TSPAN6: variants seen among roughly 807,000 people sequenced by gnomAD.
The protein encoded by TSPAN6 is tetraspanin 6.
A neutral mutation model predicts 18.0 loss-of-function variants in TSPAN6; 13 were observed. The ratio of observed to expected loss-of-function variants is 0.72; its 90% CI spans 0.47 to 1.15. TSPAN6 has a LOEUF of 1.15. Ranked by LOEUF, TSPAN6 falls within the 50% of genes most tolerant of loss-of-function variation. TSPAN6 has a pLI of 0.00. For synonymous variants in TSPAN6, 82 were observed against 67.0 expected (o/e 1.22, Z -1.09); for missense variants, 186 against 183.9 (o/e 1.01, Z -0.07).
chrX:100,630,152 C>G (rs1602702946), intron 7 of TSPAN6, among the ~76,000 whole-genome samples, 166 bp from the exon 8 acceptor site: 1 of 111,908 alleles, frequency 8.9e-6, no homozygotes, highest in East Asian at 2.8e-4. Context: ...ATTCAGCCAA[C>G]AACAGTTCTC....
Position 100,629,852 on chromosome X carries a change from A to G in TSPAN6, c.*174T>C, listed in dbSNP as rs889053970. On this transcript the variant is annotated 3_prime_UTR_variant, in exon 8 of 8. Transcript: ENST00000373020. ...GCACGGATCTTGATTGAATCAGCCT[A>G]TTGGTGTAGTTTTAGGTCTACATAC... is the stretch of plus-strand genomic sequence containing the variant. 12 of 258,990 alleles carry G rather than the reference A, an allele frequency of 4.6e-5. No individual in the cohort carries two copies. The highest frequency in any genetic ancestry group is 5.9e-5 in the Non-Finnish European group (11 of 187,677). 21.3% of individuals were successfully genotyped at this position (258,990 alleles called of 1,213,427 possible).
rs763160415 is a variant in TSPAN6 at position 100,636,725 on chromosome X, G to A, written c.-31C>T. 1 of 1,175,828 alleles carries A rather than the reference G, an allele frequency of 8.5e-7. No individual in the cohort carries two copies. The highest frequency in any genetic ancestry group is 1.1e-6 in the Non-Finnish European group (1 of 878,816). On this transcript the variant is annotated 5_prime_UTR_variant, in exon 1 of 8. Coordinates refer to ENST00000373020, the MANE Select transcript of TSPAN6 (RefSeq NM_003270.4). ...GCCCGAGACCCTGCACCACCGCACC[G>A]GGCGATTGGAACACAGAGAGCGAGA... is the stretch of plus-strand genomic sequence containing the variant.
chrX:100,632,546 G>A lies in TSPAN6; in HGVS notation c.608C>T (p.Thr203Ile). 1 of 1,205,386 alleles carries A rather than the reference G, an allele frequency of 8.3e-7. No homozygotes were observed. The highest frequency in any genetic ancestry group is 1.8e-5 in the South Asian group (1 of 56,190). ...NNEGCFIKVM[T>I]IIESEMGVVA... The stretch of plus-strand genomic sequence containing the variant: ...GACTCCCATTTCTGACTCTATAATG[G>A]TCATCACCTTTATAAAACAACCCTA... Residue 203 changes from threonine (T) to isoleucine (I), a missense_variant, in exon 6 of 8, where the codon ACC (threonine) becomes ATC (isoleucine). Transcript: ENST00000373020.
At position 100,627,730 on chromosome X, in the gene TSPAN6, C is replaced by T. The variant is rs1473196175; in HGVS notation, c.*2296G>A. On this transcript the variant is annotated 3_prime_UTR_variant, in exon 8 of 8. Coordinates refer to ENST00000373020, the MANE Select transcript of TSPAN6 (RefSeq NM_003270.4). ...AAAATAAACAAACCAATCCACCTGACGAGTGATGTGTGGTGTTTTTCCTCT... is the reference window on the plus strand; with the variant it reads ...AAAATAAACAAACCAATCCACCTGATGAGTGATGTGTGGTGTTTTTCCTCT... 4 of 111,646 alleles carry T rather than the reference C, an allele frequency of 3.6e-5. No homozygotes were observed. The highest frequency in any genetic ancestry group is 2.8e-4 in the East Asian group (1 of 3,594). 9.2% of individuals were successfully genotyped at this position (111,646 alleles called of 1,213,427 possible).
In TSPAN6 at chrX:100,635,237, T is replaced by G; in HGVS notation, c.292A>C (p.Thr98Pro). 8.4e-7 allele frequency: 1 copy of G among 1,191,018 alleles called. No homozygotes were observed. Among genetic ancestry groups the G allele is most frequent in the Non-Finnish European group, 1.1e-6 (1 of 882,625 alleles). ...WMLKLYAMFLTLVFLVELVAA... is the reference protein window; with the variant it reads ...WMLKLYAMFLPLVFLVELVAA... ...ACCAGTTCGACCAAAAAAACGAGAG[T>G]CAGAAACATTGCATACTGCAGGATA... The change falls in exon 3 of 8, where the codon ACT (threonine) becomes CCT (proline). Residue 98 changes from threonine to proline, a missense_variant. Physicochemically the swap from Thr to Pro is conservative, Grantham distance 38 (BLOSUM62 -1). Transcript: ENST00000373020.
intron 1 of TSPAN6, chrX:100,636,309 C>G: frequency 1.1e-6 from 1 of 902,132 alleles, no homozygotes; most frequent in Non-Finnish European, 1.4e-6. Context: ...TCACCGTCTG[C>G]GTGCTCTGGG....
Position 100,636,602 on chromosome X carries a change from T to C in TSPAN6, c.87+6A>G. 1 of 1,200,989 alleles carries C rather than the reference T, an allele frequency of 8.3e-7. No homozygotes were observed. The highest frequency in any genetic ancestry group is 1.1e-6 in the Non-Finnish European group (1 of 890,240). On this transcript the variant is annotated splice_donor_region_variant and intron_variant, in intron 1 of 7. Transcript: ENST00000373020. The stretch of plus-strand genomic sequence containing the variant: ...CCTGCCGGCCCCAGGCGCCTTCGTC[T>C]CTCACCCAGAAAATAAAAGTGTAGA...
At chrX:100,630,261 GC>G (rs2083049990) in intron 7 of TSPAN6, among the ~76,000 whole-genome samples, 1 of 111,750 alleles carries the variant, frequency 8.9e-6, no homozygotes, top group Admixed American at 9.5e-5. Flanking sequence ...TTTAACAAAA[GC>G]CCACCAAAAA....
intron 1 of TSPAN6, chrX:100,636,364 G>A: frequency 2.1e-6 from 2 of 957,169 alleles, no homozygotes; most frequent in Admixed American, 1.1e-4. Flanking sequence ...TCGAACGCTG[G>A]TACGTCTGGG....
Position 100,635,712 on chromosome X carries a change from C to T in TSPAN6, c.122G>A (p.Trp41Ter). Residue 41 changes from tryptophan to a stop codon, truncating the protein, a stop_gained, in exon 2 of 8, where the codon TGG (tryptophan) becomes TAG (stop). Coordinates refer to ENST00000373020, the MANE Select transcript of TSPAN6 (RefSeq NM_003270.4). LOFTEE classifies it high-confidence loss of function. Reference sequence around the variant, plus strand: ...GTAATTCTCCAGGCTCACCTTGCCCCAAATGCCAACTGCAAGAAGGATAAC... The same window carrying T: ...GTAATTCTCCAGGCTCACCTTGCCCTAAATGCCAACTGCAAGAAGGATAAC... ...TGVILLAVGIWGKVSLENYFS... is the reference protein window; with the variant it reads ...TGVILLAVGI 8.4e-7 allele frequency: 1 copy of T among 1,183,444 alleles called. No homozygotes were observed. The highest frequency in any genetic ancestry group is 1.1e-6 in the Non-Finnish European group (1 of 880,236).
chrX:100,635,215 A>G lies in TSPAN6; in HGVS notation c.314T>C (p.Leu105Pro). The G allele has an allele frequency of 8.3e-7, 1 of 1,199,675 alleles. No homozygotes were observed. The highest frequency in any genetic ancestry group is 1.1e-6 in the Non-Finnish European group (1 of 888,542). The change falls in exon 3 of 8, where the codon CTG becomes CCG. Residue 105 changes from leucine (L) to proline (P), a missense_variant. Coordinates refer to ENST00000373020, the MANE Select transcript of TSPAN6 (RefSeq NM_003270.4). ...MFLTLVFLVE[L>P]VAAIVGFVFR... Reference sequence around the variant, plus strand: ...AACAAATCCTACGATGGCAGCGACCAGTTCGACCAAAAAAACGAGAGTCAG... The same window carrying G: ...AACAAATCCTACGATGGCAGCGACCGGTTCGACCAAAAAAACGAGAGTCAG...
chrX:100,632,506 G>A lies in TSPAN6; in HGVS notation c.648C>T (p.Ser216=), dbSNP rs1220012074. 3.3e-6 allele frequency: 4 copies of A among 1,206,883 alleles called. No individual in the cohort carries two copies. In the African/African-American group the frequency reaches 7.0e-5, roughly 21 times the overall value. The change falls in exon 6 of 8, where the codon TCC becomes TCT. Residue 216 remains serine (S), a synonymous_variant. Coordinates refer to ENST00000373020, the MANE Select transcript of TSPAN6 (RefSeq NM_003270.4). ...ESEMGVVAGI[S]FGVACFQLIG... is the part of the protein sequence containing the mutation. ...TTACTTGGAAGCAAGCAACTCCAAA[G>A]GAAATTCCTGCAACGACTCCCATTT...
intron 1 of TSPAN6, 126 bp from the exon 2 acceptor site, chrX:100,635,872 A>G: frequency 2.0e-6 from 1 of 504,703 alleles, no homozygotes; most frequent in Non-Finnish European, 2.9e-6. Context: ...ACAAGGGGGA[A>G]GAGTAGAAGG....
chrX:100,633,716 T>A (rs942147349), intron 4 of TSPAN6, among the ~76,000 whole-genome samples, 177 bp from the exon 5 acceptor site: 36 of 110,324 alleles, frequency 3.3e-4, no homozygotes, highest in African/African-American at 1.2e-3. Context: ...GCATGACAGT[T>A]TTGTATTGGC....
At chrX:100,635,841 T>G in intron 1 of TSPAN6, 95 bp from the exon 2 acceptor site, 1 of 698,814 alleles carries the variant, frequency 1.4e-6, no homozygotes, top group Non-Finnish European at 2.0e-6. Context: ...ACAATAGGTG[T>G]AATATGCTGG....
intron 5 of TSPAN6, among the ~76,000 whole-genome samples, chrX:100,632,998 G>A (rs886686547): frequency 3.6e-5 from 4 of 111,247 alleles, no homozygotes; most frequent in South Asian, 3.8e-4. Flanking sequence ...ATTCTTACCC[G>A]CCCTATCTAT....
rs1191821798 is a variant in TSPAN6 at position 100,628,270 on chromosome X, AT to A, written c.*1755del. ...TCTGATTTGCTGTACTTGAGTCACT[AT>A]TTTTCAACTTAATTTTCTTATCACC... is the stretch of plus-strand genomic sequence containing the variant. On this transcript the variant is annotated 3_prime_UTR_variant, in exon 8 of 8. Coordinates refer to ENST00000373020, the MANE Select transcript of TSPAN6 (RefSeq NM_003270.4). 1 of 112,090 alleles carries A rather than the reference AT, an allele frequency of 8.9e-6. No homozygotes were observed. The highest frequency in any genetic ancestry group is 3.2e-5 in the African/African-American group (1 of 30,856). The allele number at this position is 112,090 out of a possible 1,213,427, so 9.2% of individuals were successfully genotyped here.
rs187786903 is a variant in TSPAN6 at position 100,632,593 on chromosome X, T to C, written c.586-25A>G. 9.6e-4 allele frequency: 1,007 copies of C among 1,050,586 alleles called. 4 individuals are homozygous for C. Among genetic ancestry groups the C allele is most frequent in the South Asian group, 2.2e-3 (111 of 50,304 alleles). 86.6% of individuals were successfully genotyped at this position (1,050,586 alleles called of 1,213,427 possible). A position where few individuals can be genotyped will look rare whatever the true frequency, so the allele number is the denominator to read the frequency against. On this transcript the variant is annotated intron_variant, in intron 5 of 7. Transcript: ENST00000373020. ...CCTAATGGGAGGAAAAAAACAAAGA[T>C]TAAATACAGCACAAGCAGCCTGTGC...
In TSPAN6 at chrX:100,634,019, C is replaced by G; in HGVS notation, c.362G>C (p.Ser121Thr). The G allele has an allele frequency of 1.7e-6, 2 of 1,185,599 alleles. No individual in the cohort carries two copies. The highest frequency in any genetic ancestry group is 2.3e-6 in the Non-Finnish European group (2 of 875,200). ...AGCCTTCTCATAATTATTCTTAAAG[C>G]TGTTCTTAATCTATAGCAAAGAAAC... ...GFVFRHEIKN[S>T]FKNNYEKALK... The change falls in exon 4 of 8, where the codon AGC (serine) becomes ACC (threonine). Residue 121 changes from serine to threonine, a missense_variant. Ser to Thr is a moderately conservative substitution (Grantham distance 58). Transcript: ENST00000373020.
Sources: allele counts gnomAD v4.1 joint callset (sites outside exome capture counted in the v4.1 genomes callset), GRCh38; gene constraint gnomAD v4.1.1; transcripts MANE v1.5; gene names NCBI Gene and HGNC (gene_info 2026-07-23, HGNC 2026-07-21).